Variants in SLC30A8 observed in about 807,000 individuals in gnomAD.
SLC30A8 encodes the protein proton-coupled zinc antiporter SLC30A8.
Under a neutral mutation model 36.9 loss-of-function variants are expected in SLC30A8, and 27 were observed. The observed-to-expected ratio is 0.73, with a 90% CI of 0.54 to 1.01. SLC30A8 has a LOEUF of 1.01. SLC30A8 is among the 50% of genes least tolerant of loss of function. The probability of loss-of-function intolerance (pLI) is 0.00; values close to 1 mark genes in which losing one functional copy is unlikely to be tolerated. For missense variants in SLC30A8, 439 were observed against 452.0 expected (o/e 0.97, Z 0.26); for synonymous variants, 164 against 172.4 (o/e 0.95, Z 0.38).
intron 1 of SLC30A8, among the ~76,000 whole-genome samples, chr8:116,966,721 T>C (rs1814611833): frequency 6.6e-6 from 1 of 152,136 alleles, no homozygotes; most frequent in Non-Finnish European, 1.5e-5. Flanking sequence ...CTAGCTGACA[T>C]CAGATTCTTG....
rs113301662 is a variant in SLC30A8 at position 117,115,628 on chromosome 8, T to C, written c.-225-19652T>C. Among the ~76,000 whole-genome samples the C allele has an allele frequency of 4.9e-3, 752 of 152,280 alleles. 5 individuals are homozygous for C. The highest frequency in any genetic ancestry group is 0.027 in the Middle Eastern group (8 of 294). On this transcript the variant is annotated intron_variant, in intron 2 of 10. Coordinates refer to the SLC30A8 transcript ENST00000427715. ...ATTCCTTTTGGGTGAGAAAGTCATA[T>C]GTCAATCAAGCAAATTAGTGAAATA...
chr8:117,170,102 A>G (rs913187960), intron 6 of SLC30A8, among the ~76,000 whole-genome samples: 4 of 152,096 alleles, frequency 2.6e-5, no homozygotes, highest in Non-Finnish European at 4.4e-5. Context: ...AGAATCACCA[A>G]ATGAGCATTG....
intron 1 of SLC30A8, among the ~76,000 whole-genome samples, chr8:117,142,283 G>A (rs1025635981): frequency 7.2e-5 from 11 of 151,988 alleles, no homozygotes; most frequent in Admixed American, 1.3e-4. Flanking sequence ...TTGTCACCAC[G>A]TGGGTCAAAG....
intron 1 of SLC30A8, among the ~76,000 whole-genome samples, chr8:116,955,411 G>T (rs746786237): frequency 2.6e-5 from 4 of 152,052 alleles, no homozygotes; most frequent in Non-Finnish European, 5.9e-5. Context: ...GAAGAGAGTG[G>T]AATGCTGCAC....
intron 2 of SLC30A8, among the ~76,000 whole-genome samples, chr8:117,079,907 G>A (rs1012905292): frequency 6.6e-6 from 1 of 152,162 alleles, no homozygotes. Context: ...GTTATGTGTA[G>A]CTAAAAGCAT....
At chr8:116,965,643 T>TC (rs1187043423) in intron 1 of SLC30A8, among the ~76,000 whole-genome samples, 1 of 152,188 alleles carries the variant, frequency 6.6e-6, no homozygotes, top group Non-Finnish European at 1.5e-5. Context: ...GGCTCCAAGC[T>TC]CCAGCATCTT....
At chr8:117,030,300 A>G (rs1303634498) in intron 1 of SLC30A8, among the ~76,000 whole-genome samples, 1 of 151,710 alleles carries the variant, frequency 6.6e-6, no homozygotes, top group Non-Finnish European at 1.5e-5. Flanking sequence ...TTACTAGGAA[A>G]AGATGCTCTG....
At chr8:117,164,863 T>C (rs1049421145) in intron 6 of SLC30A8, among the ~76,000 whole-genome samples, 4 of 152,156 alleles carry the variant, frequency 2.6e-5, no homozygotes, top group Admixed American at 2.6e-4. Flanking sequence ...GAAATTTCTC[T>C]CTGGGCTCTT....
chr8:117,021,868 C>T (rs573360911), intron 1 of SLC30A8, among the ~76,000 whole-genome samples: 1 of 152,196 alleles, frequency 6.6e-6, no homozygotes, highest in Admixed American at 6.5e-5. Context: ...GATGTAGACA[C>T]TCAATTTATG....
chr8:117,075,833 T>C (rs1586473499), intron 2 of SLC30A8, among the ~76,000 whole-genome samples: 1 of 152,166 alleles, frequency 6.6e-6, no homozygotes, highest in East Asian at 1.9e-4. Context: ...GAAGTTCCTC[T>C]ATGATCTGGC....
intron 2 of SLC30A8, among the ~76,000 whole-genome samples, chr8:117,066,412 C>T (rs1405879122): frequency 2.6e-5 from 4 of 152,126 alleles, no homozygotes; most frequent in Admixed American, 2.0e-4. Flanking sequence ...GAGTCAGGGC[C>T]CTGGTGATCC....
At chr8:117,148,406 A>C (rs1336298085) in intron 2 of SLC30A8, among the ~76,000 whole-genome samples, 1 of 152,112 alleles carries the variant, frequency 6.6e-6, no homozygotes, top group African/African-American at 2.4e-5. Context: ...GTCTGTTTCT[A>C]AGGTGTTTCA....
chr8:117,113,301 T>G (rs892686472), intron 2 of SLC30A8, among the ~76,000 whole-genome samples: 1 of 152,188 alleles, frequency 6.6e-6, no homozygotes, highest in African/African-American at 2.4e-5. Context: ...TGACTGATAC[T>G]GGTTGCCAGC....
intron 2 of SLC30A8, among the ~76,000 whole-genome samples, chr8:117,053,365 T>A (rs1204152588): frequency 6.6e-6 from 1 of 152,192 alleles, no homozygotes; most frequent in Non-Finnish European, 1.5e-5. Flanking sequence ...GAATCATGTC[T>A]GCATGTACAT....
chr8:117,032,868 T>TG (rs1817098984), intron 1 of SLC30A8, among the ~76,000 whole-genome samples: 1 of 150,672 alleles, frequency 6.6e-6, no homozygotes, highest in East Asian at 1.9e-4. Flanking sequence ...CCAGCCTGGG[T>TG]GACAACAGCG....
intron 1 of SLC30A8, among the ~76,000 whole-genome samples, chr8:117,030,258 TAA>T (rs34275499): frequency 2.9e-4 from 41 of 139,432 alleles, no homozygotes; most frequent in Admixed American, 4.3e-4. Context: ...TTGCTTTTGT[TAA>T]AAAAAAAAAA....
chr8:116,958,900 A>C (rs1814315345), intron 1 of SLC30A8, among the ~76,000 whole-genome samples: 2 of 111,156 alleles, frequency 1.8e-5, no homozygotes, highest in East Asian at 5.9e-4. Flanking sequence ...GCCATGCTGG[A>C]GTGCAGTGGT....
intron 2 of SLC30A8, among the ~76,000 whole-genome samples, chr8:117,125,936 G>A (rs981949989): frequency 6.6e-6 from 1 of 151,946 alleles, no homozygotes; most frequent in East Asian, 1.9e-4. Context: ...GAGGATCTGG[G>A]TGTATAATAA....
At chr8:117,163,571 C>G in intron 6 of SLC30A8, 41 bp downstream of exon 6, 1 of 1,448,364 alleles carries the variant, frequency 6.9e-7, no homozygotes, top group Non-Finnish European at 9.6e-7. Flanking sequence ...TCAGTGTTTT[C>G]TCTTCCCTAG....
Sources: gnomAD v4.1 joint callset for allele counts (sites outside exome capture counted in the v4.1 genomes callset) on GRCh38, gnomAD v4.1.1 for gene constraint, MANE v1.5 for transcripts, NCBI Gene and HGNC (gene_info 2026-07-23, HGNC 2026-07-21) for gene names.